Variants in TMEM108 observed in about 807,000 individuals in gnomAD.
TMEM108 encodes transmembrane protein 108, also known as cancer/testis antigen 124.
In TMEM108, 12 loss-of-function variants were observed where a neutral mutation model predicts 35.1. That is an observed-to-expected ratio of 0.34 (90% confidence interval 0.22 to 0.55). The LOEUF (loss-of-function observed/expected upper bound fraction) is 0.55, where lower values mean the gene tolerates loss of function less well. Among genes scored for constraint, TMEM108 ranks in the 20% least tolerant of loss-of-function variants. TMEM108 has a pLI of 0.89. For missense variants in TMEM108, 680 were observed against 753.3 expected, an observed-to-expected ratio of 0.90 and a Z score of 1.14; for synonymous variants, 287 against 308.6, an observed-to-expected ratio of 0.93 and a Z score of 0.73.
Position 133,057,435 on chromosome 3 carries a change from GTATATATATATATATA to G in TMEM108, c.-47+11451_-47+11466del, listed in dbSNP as rs56983894. Among the ~76,000 whole-genome samples, 332 of 45,718 alleles carry G rather than the reference GTATATATATATATATA, an allele frequency of 7.3e-3. 4 individuals are homozygous for G. Among genetic ancestry groups the G allele is most frequent in the African/African-American group, 0.019 (265 of 14,216 alleles). 30.0% of individuals were successfully genotyped at this position (45,718 alleles called of 152,430 possible). On this transcript the variant is annotated intron_variant, in intron 2 of 5. Transcript: ENST00000321871. ...TGGGCTATTAGTTGTGTGTGTGTGT[GTATATATATATATATA>G]TATATATATATATATATATATATAT...
intron 3 of TMEM108, among the ~76,000 whole-genome samples, chr3:133,358,067 A>G (rs1270304922): frequency 6.6e-6 from 1 of 152,098 alleles, no homozygotes; most frequent in Non-Finnish European, 1.5e-5. Flanking sequence ...TATGTCTACC[A>G]CTTACCTGGC....
chr3:133,096,562 T>A (rs1944017729), intron 2 of TMEM108, among the ~76,000 whole-genome samples: 1 of 152,204 alleles, frequency 6.6e-6, no homozygotes, highest in African/African-American at 2.4e-5. Context: ...ATATGCTGAA[T>A]GGCCTCACCT....
In TMEM108 at chr3:133,328,668, C is replaced by T. The variant is rs116367985; in HGVS notation, c.41-51084C>T. 2.3e-3 allele frequency among the ~76,000 whole-genome samples: 352 copies of T among 152,332 alleles called. 2 individuals are homozygous for T. Among genetic ancestry groups the T allele is most frequent in the African/African-American group, 7.9e-3 (330 of 41,574 alleles). ...CAGAGGTGGATTTTCCTAACCTCAT[C>T]CCACCCTCTCTCATCTCATGCTGTC... On this transcript the variant is annotated intron_variant, in intron 3 of 5. Coordinates refer to ENST00000321871, the MANE Select transcript of TMEM108 (RefSeq NM_023943.4).
At chr3:133,312,952 T>C (rs1039928021) in intron 3 of TMEM108, among the ~76,000 whole-genome samples, 1 of 152,220 alleles carries the variant, frequency 6.6e-6, no homozygotes, top group Non-Finnish European at 1.5e-5. Context: ...ATATCTTTAC[T>C]ATATCTAAAA....
At chr3:133,140,255 C>T (rs1440265805) in intron 2 of TMEM108, among the ~76,000 whole-genome samples, 1 of 152,124 alleles carries the variant, frequency 6.6e-6, no homozygotes, top group Non-Finnish European at 1.5e-5. Flanking sequence ...ACAATTCTGA[C>T]TTCAGATTAG....
chr3:133,064,094 G>A (rs980245199), intron 2 of TMEM108, among the ~76,000 whole-genome samples: 1 of 152,112 alleles, frequency 6.6e-6, no homozygotes, highest in Non-Finnish European at 1.5e-5. Context: ...ATGTCTGCCA[G>A]TCTGAGGACA....
chr3:133,233,191 T>C (rs928179067), intron 3 of TMEM108, among the ~76,000 whole-genome samples: 5 of 152,050 alleles, frequency 3.3e-5, no homozygotes, highest in African/African-American at 1.2e-4. Flanking sequence ...CCCTCCCCGC[T>C]CCGCCACCCC....
chr3:133,070,049 A>T (rs1305467636), intron 2 of TMEM108, among the ~76,000 whole-genome samples: 2 of 152,120 alleles, frequency 1.3e-5, no homozygotes, highest in Non-Finnish European at 2.9e-5. Context: ...ACCTCATTCA[A>T]TGGTGAGGAA....
intron 2 of TMEM108, among the ~76,000 whole-genome samples, chr3:133,189,536 G>C (rs1945469356): frequency 6.6e-6 from 1 of 152,180 alleles, no homozygotes. Context: ...TAGGGCTTCA[G>C]GATGACCAGA....
At chr3:133,106,417 A>G (rs1326802056) in intron 2 of TMEM108, among the ~76,000 whole-genome samples, 1 of 152,106 alleles carries the variant, frequency 6.6e-6, no homozygotes, top group East Asian at 1.9e-4. Context: ...CACCAACTCT[A>G]AATCAAAACC....
chr3:133,194,234 T>C (rs1484228398), intron 2 of TMEM108, among the ~76,000 whole-genome samples: 1 of 152,144 alleles, frequency 6.6e-6, no homozygotes, highest in Non-Finnish European at 1.5e-5. Flanking sequence ...CATGCCCAGC[T>C]GAACATTAAT....
intron 3 of TMEM108, among the ~76,000 whole-genome samples, chr3:133,316,396 T>C (rs1015380077): frequency 6.6e-6 from 1 of 152,178 alleles, no homozygotes; most frequent in Non-Finnish European, 1.5e-5. Context: ...ACCCATTGGG[T>C]ACCAGTTGTA....
chr3:133,073,504 CTCTCTCTATATA>C (rs1443563508), intron 2 of TMEM108, among the ~76,000 whole-genome samples: 2 of 85,942 alleles, frequency 2.3e-5, no homozygotes, highest in African/African-American at 1.1e-4. Flanking sequence ...CTCTCTCTCT[CTCTCTCTATATA>C]TATATATATA....
intron 2 of TMEM108, among the ~76,000 whole-genome samples, chr3:133,227,031 C>T (rs4130893): frequency 0.12 from 17,524 of 151,906 alleles, 1,461 homozygotes; most frequent in East Asian, 0.39. Flanking sequence ...GAGAACAGCA[C>T]GGGAAAGACC....
intron 3 of TMEM108, among the ~76,000 whole-genome samples, chr3:133,292,664 TAA>T (rs1286273006): frequency 6.6e-6 from 1 of 152,186 alleles, no homozygotes; most frequent in African/African-American, 2.4e-5. Flanking sequence ...ACAGTTTTTA[TAA>T]AGTTTTTTTT....
In TMEM108 at chr3:133,309,682, C is replaced by CTTTTTTTTTT. The variant is rs148272827; in HGVS notation, c.41-70043_41-70034dup. 4.5e-4 allele frequency among the ~76,000 whole-genome samples: 31 copies of CTTTTTTTTTT among 69,194 alleles called. 7 individuals are homozygous for CTTTTTTTTTT. Among genetic ancestry groups the CTTTTTTTTTT allele is most frequent in the Non-Finnish European group, 7.0e-4 (25 of 35,698 alleles). The allele number at this position is 69,194 out of a possible 152,430, so 45.4% of individuals were successfully genotyped here. ...TAGTTATGCGGGTTTGAGTGAGTTTCTTTTTTTTTTTTTTTTTTTTTTTTT... is the reference window on the plus strand; with the variant it reads ...TAGTTATGCGGGTTTGAGTGAGTTTCTTTTTTTTTTTTTTTTTTTTTTTTTTTTTTTTTTT... On this transcript the variant is annotated intron_variant, in intron 3 of 5. Transcript: ENST00000321871.
At chr3:133,338,278 C>G (rs575603266) in intron 3 of TMEM108, among the ~76,000 whole-genome samples, 1 of 151,782 alleles carries the variant, frequency 6.6e-6, no homozygotes, top group East Asian at 1.9e-4. Context: ...AACTCCCAAA[C>G]GTCAAGGATA....
At chr3:133,231,005 G>T (rs1401654013) in intron 3 of TMEM108, among the ~76,000 whole-genome samples, 1 of 152,142 alleles carries the variant, frequency 6.6e-6, no homozygotes, top group African/African-American at 2.4e-5. Context: ...TAGGAGGTAG[G>T]TAGTGGCCCT....
Position 133,396,010 on chromosome 3 carries a change from T to G in TMEM108, c.*24T>G, listed in dbSNP as rs2073301737. The G allele has an allele frequency of 6.7e-7, 1 of 1,499,470 alleles. No homozygotes were observed. 92.9% of individuals were successfully genotyped at this position (1,499,470 alleles called of 1,614,324 possible). On this transcript the variant is annotated 3_prime_UTR_variant, in exon 6 of 6. Transcript: ENST00000321871. ...AACTACAGCAGGCATCACTTTGCCATTCCGTATTTTTCGTCTCTAAATTAT... is the reference window on the plus strand; with the variant it reads ...AACTACAGCAGGCATCACTTTGCCAGTCCGTATTTTTCGTCTCTAAATTAT...
Sources: gnomAD v4.1 joint callset for allele counts (sites outside exome capture counted in the v4.1 genomes callset) on GRCh38, gnomAD v4.1.1 for gene constraint, MANE v1.5 for transcripts, NCBI Gene and HGNC (gene_info 2026-07-23, HGNC 2026-07-21) for gene names.